Variants in ITGAM observed in about 807,000 individuals in gnomAD.
ITGAM encodes the protein integrin subunit alpha M, also known as integrin alpha-M.
A neutral mutation model predicts 137.5 loss-of-function variants in ITGAM; 79 were observed. That is an observed-to-expected ratio of 0.57 (90% CI 0.48 to 0.69). The LOEUF (loss-of-function observed/expected upper bound fraction) is 0.69, where lower values mean the gene tolerates loss of function less well. Among genes scored for constraint, ITGAM ranks in the 30% least tolerant of loss-of-function variants. The probability of loss-of-function intolerance (pLI) is 0.00; values close to 1 mark genes in which losing one functional copy is unlikely to be tolerated. For missense variants in ITGAM, 1,343 were observed against 1,483.5 expected, an observed-to-expected ratio of 0.91 and a Z score of 1.56; for synonymous variants, 583 against 592.3, an observed-to-expected ratio of 0.98 and a Z score of 0.23.
chr16:31,285,092 G>A (rs532138546), intron 12 of ITGAM, among the ~76,000 whole-genome samples: 3 of 152,206 alleles, frequency 2.0e-5, no homozygotes, highest in Admixed American at 1.3e-4. Context: ...GTCCACGTGA[G>A]GGGGTCGTGA....
intron 5 of ITGAM, among the ~76,000 whole-genome samples, chr16:31,268,592 C>A (rs2079795323): frequency 6.6e-6 from 1 of 152,180 alleles, no homozygotes; most frequent in African/African-American, 2.4e-5. Flanking sequence ...GCATGAGCCA[C>A]TGTGCCCTGC....
At chr16:31,267,354 C>T (rs569914842) in intron 5 of ITGAM, among the ~76,000 whole-genome samples, 1 of 152,144 alleles carries the variant, frequency 6.6e-6, no homozygotes, top group African/African-American at 2.4e-5. Flanking sequence ...CACAGTTAAT[C>T]CTCCTTCCTC....
In ITGAM at chr16:31,273,761, C is replaced by T. The variant is rs185625717; in HGVS notation, c.858+243C>T. 1.1e-5 allele frequency: 4 copies of T among 374,078 alleles called. No individual in the cohort carries two copies. In the East Asian group the frequency reaches 1.6e-4, roughly 15 times the overall value. The allele number at this position is 374,078 out of a possible 1,614,324, so 23.2% of individuals were successfully genotyped here. The stretch of plus-strand genomic sequence containing the variant: ...TGCCAAGAGTTCTGGTCTCAATGGC[C>T]TTCCTCACTGTCATTAGCTACAGGT... On this transcript the variant is annotated intron_variant, in intron 8 of 29. Transcript: ENST00000544665.
Position 31,321,257 on chromosome 16 carries a change from A to G in ITGAM, c.1724A>G (p.Lys575Arg). The G allele has an allele frequency of 6.2e-7, 1 of 1,613,832 alleles. No homozygotes were observed. Among genetic ancestry groups the G allele is most frequent in the Non-Finnish European group, 8.5e-7 (1 of 1,179,850 alleles). Residue 575 changes from lysine to arginine, a missense_variant, in exon 15 of 30, where the codon AAG (lysine) becomes AGG (arginine). Physicochemically the swap from Lys to Arg is conservative, Grantham distance 26. Coordinates refer to ENST00000544665, the MANE Select transcript of ITGAM (RefSeq NM_000632.4). The stretch of plus-strand genomic sequence containing the variant: ...TACCCTCAGCGGATAGCAGGCTCCA[A>G]GCTCTCTCCCAGGCTCCAGTATTTT... ...PSHSQRIAGS[K>R]LSPRLQYFGQ...
intron 14 of ITGAM, among the ~76,000 whole-genome samples, chr16:31,311,347 A>C (rs1193609377): frequency 1.3e-5 from 2 of 152,224 alleles, no homozygotes; most frequent in African/African-American, 4.8e-5. Flanking sequence ...GTGAACAGGC[A>C]ACCTACTGAA....
intron 5 of ITGAM, among the ~76,000 whole-genome samples, chr16:31,267,796 G>A (rs1456892193): frequency 2.0e-5 from 3 of 151,984 alleles, no homozygotes; most frequent in Non-Finnish European, 4.4e-5. Flanking sequence ...GGGATCACAG[G>A]TGCGCATATA....
At chr16:31,275,183 C>T (rs930013323) in intron 8 of ITGAM, among the ~76,000 whole-genome samples, 13 of 152,060 alleles carry the variant, frequency 8.5e-5, no homozygotes, top group Non-Finnish European at 1.6e-4. Context: ...TGTAATCAAA[C>T]TACTACAGCA....
chr16:31,272,102 C>A, intron 7 of ITGAM, 110 bp downstream of exon 7: 1 of 1,301,856 alleles, frequency 7.7e-7, no homozygotes, highest in South Asian at 1.3e-5. Flanking sequence ...TGCTTCCCCA[C>A]CGGCAGAGGT....
intron 5 of ITGAM, among the ~76,000 whole-genome samples, chr16:31,266,878 T>G (rs2079775321): frequency 1.4e-5 from 1 of 70,524 alleles, no homozygotes; most frequent in Admixed American, 1.4e-4. Flanking sequence ...TTTTTTTTTT[T>G]TTTTTTTGAG....
chr16:31,322,134 A>G (rs1036314374), intron 16 of ITGAM, among the ~76,000 whole-genome samples: 2 of 152,170 alleles, frequency 1.3e-5, no homozygotes, highest in Non-Finnish European at 2.9e-5. Flanking sequence ...TGACAGTACT[A>G]GAAAGAATTG....
chr16:31,312,522 G>A (rs900870980), intron 14 of ITGAM, among the ~76,000 whole-genome samples: 3 of 152,106 alleles, frequency 2.0e-5, no homozygotes, highest in Admixed American at 2.0e-4. Flanking sequence ...GACCTCCCAG[G>A]CTCATGTGAT....
intron 12 of ITGAM, among the ~76,000 whole-genome samples, chr16:31,284,916 T>C (rs1259574892): frequency 6.6e-5 from 10 of 152,012 alleles, no homozygotes. Flanking sequence ...CTCATGCCTG[T>C]AATACCAGTG....
chr16:31,263,326 C>A (rs965475165), intron 2 of ITGAM, among the ~76,000 whole-genome samples: 1 of 152,232 alleles, frequency 6.6e-6, no homozygotes, highest in Non-Finnish European at 1.5e-5. Flanking sequence ...ACAATGCTGT[C>A]ATTTTGCACA....
In ITGAM at chr16:31,265,887, T is replaced by G; in HGVS notation, c.309+6T>G. 6.2e-7 allele frequency: 1 copy of G among 1,612,744 alleles called. No individual in the cohort carries two copies. The highest frequency in any genetic ancestry group is 8.5e-7 in the Non-Finnish European group (1 of 1,179,432). On this transcript the variant is annotated splice_donor_region_variant and intron_variant, in intron 4 of 29. Transcript: ENST00000544665. ...CCAGCCCCCCTCAGCTGCTGGTGAG[T>G]GGGGCTCGATCAGAGGAGCATCCTA...
rs1239386379 is a variant in ITGAM at position 31,330,490 on chromosome 16, G to T, written c.3175-14G>T. ...CAGGGCCCAGGTGCAGTGCCCACCCGCTCTCTTCCACAGACCTCGCATAAC... is the reference window on the plus strand; with the variant it reads ...CAGGGCCCAGGTGCAGTGCCCACCCTCTCTCTTCCACAGACCTCGCATAAC... On this transcript the variant is annotated splice_polypyrimidine_tract_variant and intron_variant, in intron 27 of 29. Coordinates refer to ENST00000544665, the MANE Select transcript of ITGAM (RefSeq NM_000632.4). 1 of 1,613,214 alleles carries T rather than the reference G, an allele frequency of 6.2e-7. No individual in the cohort carries two copies. Among genetic ancestry groups the T allele is most frequent in the Non-Finnish European group, 8.5e-7 (1 of 1,179,206 alleles).
At chr16:31,295,064 T>C (rs796394556) in intron 12 of ITGAM, among the ~76,000 whole-genome samples, 29 of 152,314 alleles carry the variant, frequency 1.9e-4, no homozygotes, top group African/African-American at 7.0e-4. Context: ...GCCTCCCTGT[T>C]CTGTTCCATT....
chr16:31,285,126 G>A (rs1052954447), intron 12 of ITGAM, among the ~76,000 whole-genome samples: 2 of 152,070 alleles, frequency 1.3e-5, no homozygotes, highest in South Asian at 2.1e-4. Flanking sequence ...CAGGAGGTAC[G>A]TGACTGAGGG....
At chr16:31,282,547 T>G (rs1293348458) in intron 12 of ITGAM, among the ~76,000 whole-genome samples, 1 of 152,122 alleles carries the variant, frequency 6.6e-6, no homozygotes, top group African/African-American at 2.4e-5. Context: ...CAACCCCTGG[T>G]TTTTTCTGTT....
rs772215897 is a variant in ITGAM at position 31,265,514 on chromosome 16, G to A, written c.238+16G>A. ...CGCCTGCAGGGTGAGTCACTGCCCC[G>A]CCGGGCTGGGACTGGGATTCCCCTG... On this transcript the variant is annotated intron_variant, in intron 3 of 29. Coordinates refer to ENST00000544665, the MANE Select transcript of ITGAM (RefSeq NM_000632.4). The A allele has an allele frequency of 2.7e-5, 42 of 1,530,160 alleles. No homozygotes were observed. In the East Asian group the frequency reaches 6.8e-4, roughly 25 times the overall value. 94.8% of individuals were successfully genotyped at this position (1,530,160 alleles called of 1,614,324 possible).
Sources: allele counts gnomAD v4.1 joint callset (sites outside exome capture counted in the v4.1 genomes callset), GRCh38; gene constraint gnomAD v4.1.1; transcripts MANE v1.5; gene names NCBI Gene and HGNC (gene_info 2026-07-23, HGNC 2026-07-21).